SNX30: variants seen among roughly 807,000 people sequenced by gnomAD.
The protein encoded by SNX30 is sorting nexin-30.
In SNX30, 24 loss-of-function variants were observed where a neutral mutation model predicts 46.4. That is an observed-to-expected ratio of 0.52 (90% CI 0.37 to 0.73). The LOEUF (loss-of-function observed/expected upper bound fraction) is 0.73. SNX30 is among the 30% of genes least tolerant of loss of function. The pLI is 0.00. For synonymous variants in SNX30, 189 were observed against 211.5 expected (o/e 0.89, Z 0.92); for missense variants, 533 against 555.7 (o/e 0.96, Z 0.41).
At chr9:112,786,696 G>A (rs2131381879) in intron 1 of SNX30, among the ~76,000 whole-genome samples, 1 of 151,504 alleles carries the variant, frequency 6.6e-6, no homozygotes, top group East Asian at 2.0e-4. Context: ...TTGAGATGGG[G>A]TTCCACCATG....
chr9:112,885,453 T>TATAC (rs1841631192), downstream of SNX30: 1 of 150,884 alleles, frequency 6.6e-6, no homozygotes, highest in Non-Finnish European at 1.5e-5. Flanking sequence ...TATATATATA[T>TATAC]ATATTCCTTT....
chr9:112,775,338 A>G (rs1310103844), intron 1 of SNX30, among the ~76,000 whole-genome samples: 2 of 151,212 alleles, frequency 1.3e-5, no homozygotes, highest in Non-Finnish European at 1.5e-5. Flanking sequence ...TCTTTTTAGT[A>G]GAGATGGGGT....
At chr9:112,859,650 C>T (rs189053056) in intron 7 of SNX30, among the ~76,000 whole-genome samples, 38 of 152,208 alleles carry the variant, frequency 2.5e-4, no homozygotes, top group African/African-American at 7.2e-4. Context: ...CTTTCTCTGT[C>T]GCCCAGGCTA....
At chr9:112,865,925 A>C (rs2131510660) in intron 8 of SNX30, among the ~76,000 whole-genome samples, 1 of 151,664 alleles carries the variant, frequency 6.6e-6, no homozygotes, top group Non-Finnish European at 1.5e-5. Flanking sequence ...TACAAAACCA[A>C]CTATGTCAAA....
intron 1 of SNX30, among the ~76,000 whole-genome samples, chr9:112,766,998 C>A (rs1394490443): frequency 6.6e-6 from 1 of 152,106 alleles, no homozygotes; most frequent in African/African-American, 2.4e-5. Context: ...CATGTGATAA[C>A]CTGTTTTTAA....
At chr9:112,884,472 G>A (rs1841620733), downstream of SNX30, among the ~76,000 whole-genome samples, 1 of 152,184 alleles carries the variant, frequency 6.6e-6, no homozygotes, top group Non-Finnish European at 1.5e-5. Context: ...TTTGCGGAAA[G>A]GAAAGTAATG....
chr9:112,864,724 G>C (rs1036996289), intron 8 of SNX30, among the ~76,000 whole-genome samples: 3 of 152,110 alleles, frequency 2.0e-5, no homozygotes, highest in African/African-American at 7.2e-5. Context: ...CCGAATGGAG[G>C]CTTTGGGGTT....
chr9:112,807,092 T>G (rs1259699586), intron 2 of SNX30, among the ~76,000 whole-genome samples: 2 of 116,298 alleles, frequency 1.7e-5, no homozygotes, highest in Non-Finnish European at 3.3e-5. Flanking sequence ...TGAGACAGAG[T>G]CTCCCTCTGT....
chr9:112,879,794 A>G (rs577127423), downstream of SNX30: 86 of 1,613,116 alleles, frequency 5.3e-5, no homozygotes, highest in Middle Eastern at 3.3e-4. Context: ...TATGGTGACA[A>G]TGGGACTTGT....
intron 2 of SNX30, among the ~76,000 whole-genome samples, chr9:112,806,001 A>G (rs1263866062): frequency 2.0e-5 from 3 of 152,230 alleles, no homozygotes; most frequent in African/African-American, 4.8e-5. Flanking sequence ...TATGAAAATT[A>G]TTTTTTGAAT....
intron 8 of SNX30, among the ~76,000 whole-genome samples, chr9:112,865,498 G>C (rs974861231): frequency 1.3e-5 from 2 of 151,510 alleles, no homozygotes; most frequent in African/African-American, 4.9e-5. Flanking sequence ...TGTGCCTATA[G>C]TTCCAGCTAC....
chr9:112,797,711 C>CTTTTT (rs71384277), intron 1 of SNX30, among the ~76,000 whole-genome samples: 3 of 121,340 alleles, frequency 2.5e-5, no homozygotes, highest in African/African-American at 6.3e-5. Context: ...TTTTCTTTTT[C>CTTTTT]TTTTTTTTTT....
chr9:112,866,395 A>G (rs1481779674), intron 8 of SNX30: 1 of 468,664 alleles, frequency 2.1e-6, no homozygotes, highest in African/African-American at 2.0e-5. Context: ...CAACATACGC[A>G]AAGTCCCTGG....
intron 7 of SNX30, among the ~76,000 whole-genome samples, chr9:112,861,476 C>T (rs1290308923): frequency 1.3e-5 from 2 of 152,172 alleles, no homozygotes; most frequent in African/African-American, 4.8e-5. Flanking sequence ...AGGCCACACA[C>T]CTGGTAAGTG....
At chr9:112,862,827 G>T (rs1841259403) in intron 7 of SNX30, among the ~76,000 whole-genome samples, 1 of 151,954 alleles carries the variant, frequency 6.6e-6, no homozygotes, top group Non-Finnish European at 1.5e-5. Flanking sequence ...CTCCCAAAGT[G>T]CTGGGAGGCA....
chr9:112,838,438 T>A, intron 5 of SNX30, 60 bp from the exon 6 acceptor site: 1 of 1,440,452 alleles, frequency 6.9e-7, no homozygotes, highest in Non-Finnish European at 9.5e-7. Context: ...GATTACTGAG[T>A]CAGTAATAGC....
At chr9:112,776,543 AT>A (rs1180404590) in intron 1 of SNX30, among the ~76,000 whole-genome samples, 2 of 152,158 alleles carry the variant, frequency 1.3e-5, no homozygotes, top group Admixed American at 1.3e-4. Flanking sequence ...CTTCTTGGTG[AT>A]GCACATGCTG....
intron 1 of SNX30, among the ~76,000 whole-genome samples, chr9:112,775,538 A>C (rs1051225762): frequency 1.6e-5 from 1 of 64,354 alleles, no homozygotes. Context: ...TTTTTATTTT[A>C]AATTTGTGTG....
At chr9:112,782,136 G>A (rs564374210) in intron 1 of SNX30, among the ~76,000 whole-genome samples, 4 of 151,926 alleles carry the variant, frequency 2.6e-5, no homozygotes, top group South Asian at 2.1e-4. Flanking sequence ...GTGCAACCTC[G>A]GCTCACTGCA....
Sources: gnomAD v4.1 joint callset for allele counts (sites outside exome capture counted in the v4.1 genomes callset) on GRCh38, gnomAD v4.1.1 for gene constraint, MANE v1.5 for transcripts, NCBI Gene and HGNC (gene_info 2026-07-23, HGNC 2026-07-21) for gene names.